Variants in SDF2 observed in about 807,000 individuals in gnomAD.
SDF2 encodes the protein stromal cell derived factor 2.
SDF2 carries 12 observed loss-of-function variants against 20.5 expected under a neutral mutation model. The observed-to-expected ratio is 0.58, with a 90% confidence interval of 0.37 to 0.95. The LOEUF (loss-of-function observed/expected upper bound fraction) is 0.95, where lower values mean the gene tolerates loss of function less well. Among genes scored for constraint, SDF2 ranks in the 40% least tolerant of loss-of-function variants. The pLI is 0.01. For missense variants in SDF2, 238 were observed against 263.1 expected, an observed-to-expected ratio of 0.90 and a Z score of 0.66; for synonymous variants, 100 against 101.0, an observed-to-expected ratio of 0.99 and a Z score of 0.06.
At chr17:28,657,226 CAAAACA>C (rs1342875191) in intron 1 of SDF2, among the ~76,000 whole-genome samples, 3 of 151,866 alleles carry the variant, frequency 2.0e-5, no homozygotes, top group African/African-American at 4.8e-5. Flanking sequence ...GACTCTGTCT[CAAAACA>C]AAAACAAAAA....
At position 28,659,539 on chromosome 17, in the gene SDF2, G is replaced by A. The variant is rs550305234; in HGVS notation, c.151+2187C>T. Among the ~76,000 whole-genome samples the A allele has an allele frequency of 7.5e-4, 107 of 143,258 alleles. 1 individual carries two copies. Among genetic ancestry groups the A allele is most frequent in the African/African-American group, 2.6e-3 (99 of 37,954 alleles). 94.0% of individuals were successfully genotyped at this position (143,258 alleles called of 152,430 possible). A position where few individuals can be genotyped will look rare whatever the true frequency, so the allele number is the denominator to read the frequency against. Reference sequence around the variant, plus strand: ...CCACTTCCCAGATGGGGTGGCAGCCGGGCAAAGGCACTCCTCACATCCCAG... The same window carrying A: ...CCACTTCCCAGATGGGGTGGCAGCCAGGCAAAGGCACTCCTCACATCCCAG... On this transcript the variant is annotated intron_variant, in intron 1 of 2. Coordinates refer to ENST00000247020, the MANE Select transcript of SDF2 (RefSeq NM_006923.4).
At chr17:28,657,484 A>T (rs1254744935) in intron 1 of SDF2, among the ~76,000 whole-genome samples, 1 of 151,484 alleles carries the variant, frequency 6.6e-6, no homozygotes, top group Admixed American at 6.6e-5. Flanking sequence ...CACAGCCTTG[A>T]CCTCCCAGGC....
In SDF2 at chr17:28,648,709, T is replaced by G; in HGVS notation, c.*280A>C. 2.2e-6 allele frequency: 1 copy of G among 453,426 alleles called. No individual in the cohort carries two copies. Among genetic ancestry groups the G allele is most frequent in the Non-Finnish European group, 4.0e-6 (1 of 251,930 alleles). The allele number at this position is 453,426 out of a possible 1,614,324, so 28.1% of individuals were successfully genotyped here. On this transcript the variant is annotated 3_prime_UTR_variant, in exon 3 of 3. Transcript: ENST00000247020. Reference sequence around the variant, plus strand: ...AAAAGTTTCCCAGCTAAGAGGGATGTTTCCCTCAGTTTGTTTTATCAGTAC... The same window carrying G: ...AAAAGTTTCCCAGCTAAGAGGGATGGTTCCCTCAGTTTGTTTTATCAGTAC...
Position 28,661,846 on chromosome 17 carries a change from C to A in SDF2, c.31G>T (p.Gly11Cys), listed in dbSNP as rs1300311457. Residue 11 changes from glycine (G) to cysteine (C), a missense_variant, in exon 1 of 3, where the codon GGT (glycine) becomes TGT (cysteine). Gly to Cys is a radical substitution (Grantham distance 159). Transcript: ENST00000247020. ...GACGCTCCCACAGCGCTCCACAAAC[C>A]CCCCAACAACAGCAGAGGTACTACA... MAVVPLLLLGGLWSAVGASSL... is the reference protein window; with the variant it reads MAVVPLLLLGCLWSAVGASSL... The A allele has an allele frequency of 1.9e-6, 3 of 1,613,982 alleles. No individual in the cohort carries two copies. Among genetic ancestry groups the A allele is most frequent in the Non-Finnish European group, 2.5e-6 (3 of 1,179,884 alleles).
chr17:28,658,252 G>GTT (rs111913000), intron 1 of SDF2, among the ~76,000 whole-genome samples: 29 of 130,596 alleles, frequency 2.2e-4, no homozygotes, highest in Admixed American at 3.0e-4. Flanking sequence ...TCTACCTGTA[G>GTT]TTTTTTTTTT....
chr17:28,660,972 A>T (rs891018357), intron 1 of SDF2: 11 of 174,570 alleles, frequency 6.3e-5, no homozygotes, highest in Non-Finnish European at 9.9e-5. Context: ...GATTATCACC[A>T]CCGAATCTCC....
chr17:28,648,704 G>A lies in SDF2; in HGVS notation c.*285C>T. The A allele has an allele frequency of 4.5e-6, 2 of 444,818 alleles. No homozygotes were observed. Among genetic ancestry groups the A allele is most frequent in the South Asian group, 6.5e-5 (2 of 30,972 alleles). 27.6% of individuals were successfully genotyped at this position (444,818 alleles called of 1,614,324 possible). ...AGAGTAAAAGTTTCCCAGCTAAGAG[G>A]GATGTTTCCCTCAGTTTGTTTTATC... On this transcript the variant is annotated 3_prime_UTR_variant, in exon 3 of 3. Transcript: ENST00000247020.
Position 28,653,487 on chromosome 17 carries a change from G to A in SDF2, c.348+1800C>T, listed in dbSNP as rs996598678. On this transcript the variant is annotated intron_variant, in intron 2 of 2. Transcript: ENST00000247020. ...ATGAGACATGGCAAGTATATGTAATGTGGTATTTTGGAATGGAAAAAGAAC... is the reference window on the plus strand; with the variant it reads ...ATGAGACATGGCAAGTATATGTAATATGGTATTTTGGAATGGAAAAAGAAC... Among the ~76,000 whole-genome samples, 6 of 152,216 alleles carry A rather than the reference G, an allele frequency of 3.9e-5. No homozygotes were observed. The South Asian group carries it at 1.2e-3, about 31-fold the overall frequency.
intron 2 of SDF2, among the ~76,000 whole-genome samples, chr17:28,651,839 AGTAT>A (rs1298228534): frequency 2.6e-5 from 4 of 152,176 alleles, no homozygotes; most frequent in Non-Finnish European, 5.9e-5. Context: ...GGAGGGTACC[AGTAT>A]GTAATTCTGA....
rs2071953147 is a variant in SDF2, at chr17:28,655,413, C to T, written c.222G>A (p.Gly74=). 1 of 1,614,164 alleles carries T rather than the reference C, an allele frequency of 6.2e-7. No individual in the cohort carries two copies. The highest frequency in any genetic ancestry group is 2.2e-5 in the East Asian group (1 of 44,884). Residue 74 remains glycine (G), a synonymous_variant, in exon 2 of 3, where the codon GGG becomes GGA. Transcript: ENST00000247020. ...DDSNSYWRIR[G]KSATVCERGT... ...CCCTCTCACACACTGTGGCACTCTT[C>T]CCCCGTATCCTCCAGTAACTGTTGC...
intron 1 of SDF2, among the ~76,000 whole-genome samples, chr17:28,656,919 T>C (rs186046100): frequency 5.3e-4 from 81 of 152,312 alleles, no homozygotes; most frequent in African/African-American, 1.8e-3. Context: ...CTCCCATAAG[T>C]GGTCAATTAT....
intron 2 of SDF2, among the ~76,000 whole-genome samples, chr17:28,654,388 T>C (rs558853680): frequency 6.6e-5 from 10 of 152,126 alleles, no homozygotes; most frequent in South Asian, 4.1e-4. Flanking sequence ...TTGGAAAACA[T>C]TGGGTTTCTT....
At chr17:28,658,960 C>T (rs1048432880) in intron 1 of SDF2, among the ~76,000 whole-genome samples, 2 of 147,868 alleles carry the variant, frequency 1.4e-5, no homozygotes, top group African/African-American at 5.1e-5. Context: ...GGCAGAGGCG[C>T]TCCTCACATC....
At position 28,660,258 on chromosome 17, in the gene SDF2, G is replaced by A. The variant is rs574352672; in HGVS notation, c.151+1468C>T. Among the ~76,000 whole-genome samples, 6 of 152,322 alleles carry A rather than the reference G, an allele frequency of 3.9e-5. No individual in the cohort carries two copies. In the South Asian group the frequency reaches 8.3e-4, roughly 21 times the overall value. On this transcript the variant is annotated intron_variant, in intron 1 of 2. Transcript: ENST00000247020. ...TGGAAAGAGAGAAGAGACAAGAGAG[G>A]GAGACGGAGAGGGCTACCTGTAGTT...
chr17:28,650,153 T>C (rs1242251984), intron 2 of SDF2, among the ~76,000 whole-genome samples: 1 of 151,754 alleles, frequency 6.6e-6, no homozygotes, highest in Non-Finnish European at 1.5e-5. Context: ...GGTTTCTCCA[T>C]GTTGGTCAGG....
At chr17:28,651,800 G>T (rs1461097727) in intron 2 of SDF2, among the ~76,000 whole-genome samples, 1 of 150,998 alleles carries the variant, frequency 6.6e-6, no homozygotes, top group Non-Finnish European at 1.5e-5. Flanking sequence ...GTGTGTGTGT[G>T]TACACTCTAC....
chr17:28,653,697 A>G (rs1047777871), intron 2 of SDF2, among the ~76,000 whole-genome samples: 7 of 152,124 alleles, frequency 4.6e-5, no homozygotes, highest in African/African-American at 1.7e-4. Context: ...CTGTAATCCC[A>G]GCTACTCAGG....
At chr17:28,650,047 G>C (rs1249214304) in intron 2 of SDF2, among the ~76,000 whole-genome samples, 1 of 152,034 alleles carries the variant, frequency 6.6e-6, no homozygotes. Flanking sequence ...CCGCCTCCCA[G>C]GTTCAAGTGA....
At chr17:28,662,013 G>T (rs754044803), upstream of SDF2, 65 of 1,042,428 alleles carry the variant, frequency 6.2e-5, no homozygotes, top group Non-Finnish European at 8.6e-5. Flanking sequence ...TGACTAGAGC[G>T]GCCTGAGAAA....
Sources: gnomAD v4.1 joint callset for allele counts (sites outside exome capture counted in the v4.1 genomes callset) on GRCh38, gnomAD v4.1.1 for gene constraint, MANE v1.5 for transcripts, NCBI Gene and HGNC (gene_info 2026-07-23, HGNC 2026-07-21) for gene names.